The following CDK5RAP2 variants were observed in gnomAD, a reference collection of about 807,000 sequenced individuals.
The protein encoded by CDK5RAP2 is CDK5 regulatory subunit-associated protein 2.
In CDK5RAP2, 147 loss-of-function variants were observed where a neutral mutation model predicts 232.9. The observed-to-expected ratio is 0.63, with a 90% CI of 0.55 to 0.72. CDK5RAP2 has a LOEUF of 0.72. Ranked by LOEUF, CDK5RAP2 falls within the 30% of genes least tolerant of loss-of-function variation. The probability of loss-of-function intolerance (pLI) is 0.00; values close to 1 mark genes in which losing one functional copy is unlikely to be tolerated. For synonymous variants in CDK5RAP2, 833 were observed against 833.7 expected, an observed-to-expected ratio of 1.00 and a Z score of 0.01; for missense variants, 2,195 against 2,231.5, an observed-to-expected ratio of 0.98 and a Z score of 0.33.
At chr9:120,544,973 G>C (rs962852336) in intron 5 of CDK5RAP2, among the ~76,000 whole-genome samples, 1 of 152,190 alleles carries the variant, frequency 6.6e-6, no homozygotes, top group African/African-American at 2.4e-5. Context: ...TTACGAATGA[G>C]TGAAAAATCA....
chr9:120,404,491 C>T (rs760600934), intron 32 of CDK5RAP2, among the ~76,000 whole-genome samples: 2 of 152,132 alleles, frequency 1.3e-5, no homozygotes, highest in African/African-American at 4.8e-5. Context: ...TTGTGACTGA[C>T]CTATGGTAAG....
intron 5 of CDK5RAP2, among the ~76,000 whole-genome samples, chr9:120,539,771 G>A (rs766055309): frequency 3.9e-5 from 6 of 152,286 alleles, no homozygotes; most frequent in Middle Eastern, 3.4e-3. Flanking sequence ...TTGTAGAAAG[G>A]GAATAGCTGG....
chr9:120,460,421 A>G, intron 19 of CDK5RAP2, 151 bp downstream of exon 19: 1 of 714,654 alleles, frequency 1.4e-6, no homozygotes. Flanking sequence ...TAAGAAGGAA[A>G]AGACCTAGTC....
intron 25 of CDK5RAP2, among the ~76,000 whole-genome samples, chr9:120,425,882 T>C (rs1353299652): frequency 6.6e-6 from 1 of 151,886 alleles, no homozygotes; most frequent in Non-Finnish European, 1.5e-5. Context: ...TTCACCTGAG[T>C]GGAAAGGGTG....
intron 6 of CDK5RAP2, among the ~76,000 whole-genome samples, chr9:120,537,286 C>T (rs567068604): frequency 1.6e-4 from 25 of 152,172 alleles, no homozygotes; most frequent in African/African-American, 5.8e-4. Flanking sequence ...GGATAACCAC[C>T]GTCCCATCAA....
chr9:120,558,448 A>G (rs1388215315), intron 3 of CDK5RAP2, among the ~76,000 whole-genome samples: 1 of 148,688 alleles, frequency 6.7e-6, no homozygotes, highest in Non-Finnish European at 1.5e-5. Flanking sequence ...CTTAGACTTC[A>G]GACCGATCTG....
chr9:120,447,547 C>G (rs1417114822), intron 22 of CDK5RAP2, among the ~76,000 whole-genome samples: 1 of 152,226 alleles, frequency 6.6e-6, no homozygotes, highest in Admixed American at 6.5e-5. Context: ...AAAGTGGACC[C>G]TCACTTGCAT....
At chr9:120,494,344 A>C (rs2131655104) in intron 12 of CDK5RAP2, among the ~76,000 whole-genome samples, 1 of 152,314 alleles carries the variant, frequency 6.6e-6, no homozygotes, top group East Asian at 1.9e-4. Context: ...AAAAGAAACC[A>C]GTGTTTCTTG....
At position 120,409,259 on chromosome 9, in the gene CDK5RAP2, A is replaced by G; in HGVS notation, c.4472T>C (p.Leu1491Pro). ...RESLSRKTVS[L>P]EHLQREYASV... ...GGCATACTCCCGCTGAAGGTGCTCC[A>G]GGCTCACGGTCTTCCTGGAGAGGGA... Residue 1491 changes from leucine (L) to proline (P), a missense_variant, in exon 30 of 38, where the codon CTG (leucine) becomes CCG (proline). Leu to Pro is a moderately conservative substitution (Grantham distance 98, BLOSUM62 -3). Coordinates refer to ENST00000349780, the MANE Select transcript of CDK5RAP2 (RefSeq NM_018249.6). The G allele has an allele frequency of 6.2e-7, 1 of 1,613,742 alleles. No homozygotes were observed. Among genetic ancestry groups the G allele is most frequent in the Non-Finnish European group, 8.5e-7 (1 of 1,179,828 alleles).
intron 3 of CDK5RAP2, among the ~76,000 whole-genome samples, chr9:120,562,933 A>T (rs1240390577): frequency 6.6e-6 from 1 of 152,148 alleles, no homozygotes; most frequent in Non-Finnish European, 1.5e-5. Flanking sequence ...CATTCATTCA[A>T]TCAACAAATA....
At chr9:120,561,372 C>A (rs1168884513) in intron 3 of CDK5RAP2, among the ~76,000 whole-genome samples, 3 of 152,152 alleles carry the variant, frequency 2.0e-5, no homozygotes, top group Admixed American at 2.0e-4. Context: ...TCATGGCTCA[C>A]TGCAGCCTCA....
chr9:120,484,109 G>A (rs2038465802), intron 14 of CDK5RAP2, among the ~76,000 whole-genome samples: 1 of 152,144 alleles, frequency 6.6e-6, no homozygotes, highest in South Asian at 2.1e-4. Context: ...TGATTCTCAG[G>A]ATCACACAAT....
At chr9:120,437,104 AGT>A (rs1564213141) in intron 25 of CDK5RAP2, among the ~76,000 whole-genome samples, 189 bp downstream of exon 25, 2 of 152,262 alleles carry the variant, frequency 1.3e-5, no homozygotes, top group East Asian at 3.9e-4. Context: ...GGTTTGTAAC[AGT>A]GCCGACCACA....
At chr9:120,526,817 T>C (rs1454147097) in intron 10 of CDK5RAP2, among the ~76,000 whole-genome samples, 1 of 152,214 alleles carries the variant, frequency 6.6e-6, no homozygotes, top group East Asian at 1.9e-4. Flanking sequence ...CCAAACTGTC[T>C]GTGGTGCATA....
intron 10 of CDK5RAP2, among the ~76,000 whole-genome samples, chr9:120,525,604 G>A (rs1027850412): frequency 6.6e-6 from 1 of 151,760 alleles, no homozygotes; most frequent in Non-Finnish European, 1.5e-5. Flanking sequence ...TCCCCCACAT[G>A]TGATACAATG....
intron 7 of CDK5RAP2, among the ~76,000 whole-genome samples, chr9:120,533,348 T>C (rs987013952): frequency 1.3e-5 from 2 of 152,146 alleles, no homozygotes; most frequent in Non-Finnish European, 2.9e-5. Flanking sequence ...AACCACATCC[T>C]AGACTCTACT....
At chr9:120,473,238 T>C (rs1261929409) in intron 15 of CDK5RAP2, among the ~76,000 whole-genome samples, 1 of 152,234 alleles carries the variant, frequency 6.6e-6, no homozygotes, top group African/African-American at 2.4e-5. Context: ...CATTAACAAA[T>C]CAGAAAGCCT....
intron 14 of CDK5RAP2, among the ~76,000 whole-genome samples, chr9:120,479,529 G>A (rs569743812): frequency 5.3e-5 from 8 of 152,280 alleles, no homozygotes; most frequent in Admixed American, 2.0e-4. Flanking sequence ...ATCCAACTGT[G>A]TACCATCAGA....
At chr9:120,455,893 T>C (rs987095644) in intron 20 of CDK5RAP2, among the ~76,000 whole-genome samples, 2 of 152,062 alleles carry the variant, frequency 1.3e-5, no homozygotes, top group African/African-American at 4.8e-5. Flanking sequence ...AGGTACACTA[T>C]AGGGCTCAAA....
Sources: gnomAD v4.1 joint callset for allele counts (sites outside exome capture counted in the v4.1 genomes callset) on GRCh38, gnomAD v4.1.1 for gene constraint, MANE v1.5 for transcripts, NCBI Gene and HGNC (gene_info 2026-07-23, HGNC 2026-07-21) for gene names.